The following CLASP1 variants were observed in gnomAD, a reference collection of about 807,000 sequenced individuals.
CLASP1 encodes the protein CLIP-associating protein 1.
Under a neutral mutation model 192.3 loss-of-function variants are expected in CLASP1, and 38 were observed. That is an observed-to-expected ratio of 0.20 (90% confidence interval 0.15 to 0.26). The LOEUF is 0.26. Among genes scored for constraint, CLASP1 ranks in the 10% least tolerant of loss-of-function variants. The probability of loss-of-function intolerance (pLI) is 1.00; values close to 1 mark genes in which losing one functional copy is unlikely to be tolerated. For synonymous variants in CLASP1, 691 were observed against 712.8 expected (o/e 0.97, Z 0.49); for missense variants, 1,433 against 1,932.5 (o/e 0.74, Z 4.85).
chr2:121,421,308 A>C (rs1421081562), intron 22 of CLASP1, among the ~76,000 whole-genome samples: 1 of 151,976 alleles, frequency 6.6e-6, no homozygotes, highest in African/African-American at 2.4e-5. Flanking sequence ...TGGGCTGGAG[A>C]GCAATGGTGT....
chr2:121,353,792 G>GCACACACA (rs35208457), intron 37 of CLASP1, among the ~76,000 whole-genome samples: 1 of 150,340 alleles, frequency 6.7e-6, no homozygotes, highest in Non-Finnish European at 1.5e-5. Context: ...GCACATGCAC[G>GCACACACA]CACACACACA....
At chr2:121,451,165 A>G (rs929009327) in intron 15 of CLASP1, among the ~76,000 whole-genome samples, 175 bp from the exon 16 acceptor site, 1 of 152,168 alleles carries the variant, frequency 6.6e-6, no homozygotes, top group Non-Finnish European at 1.5e-5. Flanking sequence ...ACAGTCCTTT[A>G]ACTCCCAATC....
intron 2 of CLASP1, among the ~76,000 whole-genome samples, chr2:121,586,594 G>A (rs1030518435): frequency 3.3e-5 from 5 of 151,782 alleles, no homozygotes; most frequent in African/African-American, 4.8e-5. Flanking sequence ...TTCTCTATGC[G>A]TTGGCATAAG....
intron 2 of CLASP1, among the ~76,000 whole-genome samples, chr2:121,574,814 ATAATCCAAGCTACTCAG>A (rs2105464181): frequency 6.6e-6 from 1 of 151,806 alleles, no homozygotes; most frequent in African/African-American, 2.4e-5. Flanking sequence ...GCATGTGCCT[ATAATCCAAGCTACTCAG>A]GAGGCTGAGG....
rs1381044578 is a variant in CLASP1 at position 121,497,038 on chromosome 2, T to TAG, written c.712+6127_712+6128dup. On this transcript the variant is annotated intron_variant, in intron 8 of 39. Transcript: ENST00000263710. ...GCTAAAAGGGTAGATCTCACAAAGGTAGAGATTAGACTGGTAGTTACCAAA... is the reference window on the plus strand; with the variant it reads ...GCTAAAAGGGTAGATCTCACAAAGGTAGAGAGATTAGACTGGTAGTTACCAAA... Among the ~76,000 whole-genome samples the TAG allele has an allele frequency of 9.5e-4, 142 of 149,706 alleles. 2 individuals carry two copies. The highest frequency in any genetic ancestry group is 9.2e-3 in the Admixed American group (139 of 15,086).
At chr2:121,510,476 A>G (rs1241842533) in intron 7 of CLASP1, among the ~76,000 whole-genome samples, 1 of 152,240 alleles carries the variant, frequency 6.6e-6, no homozygotes, top group Non-Finnish European at 1.5e-5. Context: ...GACCCAAGCT[A>G]CCAAAACTGA....
At chr2:121,451,871 A>G in intron 14 of CLASP1, 22 bp from the exon 15 acceptor site, 1 of 1,493,478 alleles carries the variant, frequency 6.7e-7, no homozygotes, top group Non-Finnish European at 9.1e-7. Flanking sequence ...TAAGAAATAC[A>G]CAACTTATTA....
At chr2:121,339,351 C>T (rs1464358730) in exon 40 of CLASP1, 1 of 152,246 alleles carries the variant, frequency 6.6e-6, no homozygotes. Flanking sequence ...GCTTTCAGTC[C>T]TAGCAGTTGC....
chr2:121,493,912 A>G (rs1268399685), intron 8 of CLASP1, among the ~76,000 whole-genome samples: 1 of 152,220 alleles, frequency 6.6e-6, no homozygotes, highest in Non-Finnish European at 1.5e-5. Context: ...ATCTCACCCC[A>G]GTTGAAATGG....
At chr2:121,374,655 G>C (rs1041802377) in intron 34 of CLASP1, among the ~76,000 whole-genome samples, 2 of 152,228 alleles carry the variant, frequency 1.3e-5, no homozygotes, top group East Asian at 3.9e-4. Flanking sequence ...CCTACTCCTT[G>C]CATCAGTGTG....
In CLASP1 at chr2:121,593,089, T is replaced by C. The variant is rs72972718; in HGVS notation, c.195+12612A>G. 2.3e-3 allele frequency among the ~76,000 whole-genome samples: 349 copies of C among 152,314 alleles called. 1 individual carries two copies. The highest frequency in any genetic ancestry group is 8.1e-3 in the African/African-American group (337 of 41,570). On this transcript the variant is annotated intron_variant, in intron 2 of 39. Coordinates refer to ENST00000263710, the Ensembl canonical transcript of CLASP1. ...GAAAGAGGGGAAAAAAGTAACTTTT[T>C]GAAGAAACCTGGCAAACACCTCTTT...
intron 1 of CLASP1, among the ~76,000 whole-genome samples, chr2:121,639,120 C>CA (rs779733601): frequency 2.6e-4 from 39 of 151,826 alleles, no homozygotes; most frequent in Non-Finnish European, 5.4e-4. Flanking sequence ...ACTAAAAATA[C>CA]AAAAAAATTA....
At chr2:121,495,648 C>A (rs899964348) in intron 8 of CLASP1, among the ~76,000 whole-genome samples, 4 of 151,890 alleles carry the variant, frequency 2.6e-5, no homozygotes, top group African/African-American at 4.8e-5. Context: ...GCAACAAGAG[C>A]AAAACTCCAT....
intron 2 of CLASP1, among the ~76,000 whole-genome samples, chr2:121,590,206 T>C (rs1051702324): frequency 6.6e-6 from 1 of 152,158 alleles, no homozygotes; most frequent in Non-Finnish European, 1.5e-5. Flanking sequence ...GAGGCACTCC[T>C]GCAACACTGA....
At chr2:121,398,490 TA>T in intron 28 of CLASP1, 90 bp from the exon 30 acceptor site, 4 of 873,786 alleles carry the variant, frequency 4.6e-6, no homozygotes, top group Non-Finnish European at 7.2e-6. Flanking sequence ...CATTGTAAGT[TA>T]ATGTATGTAA....
intron 9 of CLASP1, among the ~76,000 whole-genome samples, chr2:121,468,606 G>A (rs2090095840): frequency 1.3e-5 from 2 of 152,118 alleles, no homozygotes; most frequent in Admixed American, 6.6e-5. Flanking sequence ...GAATGCTAGC[G>A]ATATTTGCAC....
chr2:121,369,856 C>G (rs998323860), intron 34 of CLASP1, among the ~76,000 whole-genome samples: 2 of 152,104 alleles, frequency 1.3e-5, no homozygotes, highest in African/African-American at 4.8e-5. Context: ...CTGTTGAGTT[C>G]TTTCTTTAGT....
intron 2 of CLASP1, among the ~76,000 whole-genome samples, chr2:121,547,549 A>G (rs554895545): frequency 3.3e-5 from 5 of 151,994 alleles, no homozygotes; most frequent in Admixed American, 6.5e-5. Context: ...AACCACTACT[A>G]AGGTCCCTTC....
chr2:121,533,831 A>G (rs1229559562), intron 2 of CLASP1, among the ~76,000 whole-genome samples: 1 of 152,216 alleles, frequency 6.6e-6, no homozygotes, highest in Admixed American at 6.5e-5. Context: ...TAAGTAGCAC[A>G]ATGCTGGGTA....
Sources: allele counts gnomAD v4.1 joint callset (sites outside exome capture counted in the v4.1 genomes callset), GRCh38; gene constraint gnomAD v4.1.1; transcripts MANE v1.5; gene names NCBI Gene and HGNC (gene_info 2026-07-23, HGNC 2026-07-21).